The following PPP6R2 variants were observed in gnomAD, a reference collection of about 807,000 sequenced individuals.
The protein encoded by PPP6R2 is serine/threonine-protein phosphatase 6 regulatory subunit 2.
A neutral mutation model predicts 100.2 loss-of-function variants in PPP6R2; 62 were observed. The observed-to-expected ratio is 0.62, with a 90% CI of 0.50 to 0.76. The LOEUF (loss-of-function observed/expected upper bound fraction) is 0.76, where lower values mean the gene tolerates loss of function less well. Ranked by LOEUF, PPP6R2 falls within the 30% of genes least tolerant of loss-of-function variation. PPP6R2 has a pLI of 0.00. For synonymous variants in PPP6R2, 525 were observed against 514.7 expected, an observed-to-expected ratio of 1.02 and a Z score of -0.27; for missense variants, 1,142 against 1,276.3, an observed-to-expected ratio of 0.89 and a Z score of 1.60.
Position 50,422,135 on chromosome 22 carries a change from G to A in PPP6R2, c.846-119G>A, listed in dbSNP as rs1603345866. 8 of 1,336,014 alleles carry A rather than the reference G, an allele frequency of 6.0e-6. No homozygotes were observed. In the East Asian group the frequency reaches 1.9e-4, roughly 31 times the overall value. The allele number at this position is 1,336,014 out of a possible 1,614,324, so 82.8% of individuals were successfully genotyped here. A position where few individuals can be genotyped will look rare whatever the true frequency, so the allele number is the denominator to read the frequency against. On this transcript the variant is annotated intron_variant, in intron 8 of 23. Transcript: ENST00000612753. The stretch of plus-strand genomic sequence containing the variant: ...ACGCTGGGTAGCTGCACTGCTCTAG[G>A]GTTTCTTTTTGGGAAAGTTAAAAGG...
intron 1 of PPP6R2, among the ~76,000 whole-genome samples, chr22:50,368,562 A>G (rs2049261449): frequency 6.6e-6 from 1 of 152,342 alleles, no homozygotes; most frequent in East Asian, 1.9e-4. Flanking sequence ...ATATTCACAT[A>G]TATCTATAAT....
rs746810473 is a variant in PPP6R2 at position 50,443,913 on chromosome 22, C to A, written c.2627C>A (p.Pro876Gln). 1.3e-6 allele frequency: 2 copies of A among 1,598,106 alleles called. No homozygotes were observed. The change falls in exon 23 of 24, where the codon CCA becomes CAA. Residue 876 changes from proline (P) to glutamine (Q), a missense_variant. Around this residue, in one of 2 missense-constraint regions of PPP6R2, gnomAD observed 550 missense variants for 517.4 expected, o/e 1.06. Transcript: ENST00000612753. ...CTGTTAAGCCCTGCCTGCCCCGCGC[C>A]AAAGGAAGTGACTGCTGCCCCAGCC... ...SRLLSPACPA[P>Q]KEVTAAPAVA...
intron 22 of PPP6R2, among the ~76,000 whole-genome samples, chr22:50,441,524 G>C (rs1038851755): frequency 9.9e-5 from 15 of 152,206 alleles, no homozygotes. Context: ...CCTTCCACGG[G>C]AGGCCTATGA....
chr22:50,408,286 A>C (rs1341417556), intron 4 of PPP6R2, among the ~76,000 whole-genome samples: 1 of 152,192 alleles, frequency 6.6e-6, no homozygotes, highest in Admixed American at 6.5e-5. Context: ...ACCATCAAAC[A>C]TTCAGTCAGG....
upstream of PPP6R2, among the ~76,000 whole-genome samples, chr22:50,340,070 T>TGGAGG (rs2042355075): frequency 8.9e-6 from 1 of 112,254 alleles, no homozygotes; most frequent in Admixed American, 9.1e-5. Context: ...TGGTGTGTGA[T>TGGAGG]GTGTGTGTGG....
At chr22:50,373,240 CTT>C (rs530254249) in intron 2 of PPP6R2, among the ~76,000 whole-genome samples, 18 of 126,432 alleles carry the variant, frequency 1.4e-4, no homozygotes, top group Admixed American at 2.5e-4. Flanking sequence ...TAATTTCTTT[CTT>C]TTTTTTTTTT....
intron 1 of PPP6R2, among the ~76,000 whole-genome samples, chr22:50,368,838 T>G (rs2049330604): frequency 7.1e-6 from 1 of 141,094 alleles, no homozygotes; most frequent in African/African-American, 3.0e-5. Context: ...TGGTGCTGTT[T>G]AGGGACACAC....
At chr22:50,415,858 C>T (rs952463210) in intron 5 of PPP6R2, among the ~76,000 whole-genome samples, 8 of 152,342 alleles carry the variant, frequency 5.3e-5, no homozygotes, top group Admixed American at 1.3e-4. Context: ...AGCTTACATA[C>T]GCACCATTAG....
chr22:50,374,955 A>C (rs1323914285), intron 2 of PPP6R2, among the ~76,000 whole-genome samples: 1 of 151,334 alleles, frequency 6.6e-6, no homozygotes, highest in Admixed American at 6.6e-5. Context: ...AAACAAACCC[A>C]CACCCATACA....
At chr22:50,439,058 G>A (rs1275418133) in intron 19 of PPP6R2, among the ~76,000 whole-genome samples, 1 of 152,014 alleles carries the variant, frequency 6.6e-6, no homozygotes, top group Non-Finnish European at 1.5e-5. Flanking sequence ...CACACAGTCA[G>A]GCACAGGCCT....
chr22:50,349,348 C>T (rs1224302273), intron 1 of PPP6R2, among the ~76,000 whole-genome samples: 5 of 123,746 alleles, frequency 4.0e-5, no homozygotes, highest in African/African-American at 1.6e-4. Flanking sequence ...TGGGCGACAG[C>T]GTGAGACCCT....
intron 1 of PPP6R2, among the ~76,000 whole-genome samples, chr22:50,361,236 A>C (rs1419878268): frequency 2.0e-5 from 3 of 151,726 alleles, no homozygotes; most frequent in African/African-American, 7.3e-5. Flanking sequence ...TTCTTCATTG[A>C]CTCAGTCAGA....
chr22:50,403,378 G>A (rs1263633015), intron 3 of PPP6R2, among the ~76,000 whole-genome samples: 1 of 152,058 alleles, frequency 6.6e-6, no homozygotes, highest in Non-Finnish European at 1.5e-5. Context: ...GTAGACCTGG[G>A]GCCTCACTGT....
chr22:50,425,811 A>G (rs909040073), intron 10 of PPP6R2, among the ~76,000 whole-genome samples: 1 of 151,276 alleles, frequency 6.6e-6, no homozygotes, highest in African/African-American at 2.4e-5. Flanking sequence ...CTTTTTGGCC[A>G]TGTGAATAGC....
chr22:50,439,386 G>A lies in PPP6R2; in HGVS notation c.2129-315G>A, dbSNP rs369151149. Reference sequence around the variant, plus strand: ...GTGAGCTGCCGGCTCTGTGGGTTGCGGTCCTGGGTAGGACAGGGCAGTGGC... The same window carrying A: ...GTGAGCTGCCGGCTCTGTGGGTTGCAGTCCTGGGTAGGACAGGGCAGTGGC... On this transcript the variant is annotated intron_variant, in intron 19 of 23. Coordinates refer to ENST00000612753, the MANE Select transcript of PPP6R2 (RefSeq NM_001242898.2). Among the ~76,000 whole-genome samples, 99 of 152,286 alleles carry A rather than the reference G, an allele frequency of 6.5e-4. 2 individuals carry two copies. The South Asian group carries it at 0.013, about 20-fold the overall frequency.
intron 2 of PPP6R2, among the ~76,000 whole-genome samples, chr22:50,374,016 C>T (rs779370990): frequency 5.9e-5 from 9 of 152,084 alleles, no homozygotes; most frequent in Non-Finnish European, 1.3e-4. Context: ...TTATTATAGG[C>T]GTGAGCCACC....
chr22:50,354,755 A>G (rs980617053), intron 1 of PPP6R2, among the ~76,000 whole-genome samples: 2 of 151,990 alleles, frequency 1.3e-5, no homozygotes, highest in African/African-American at 2.4e-5. Context: ...AACCGAGATC[A>G]TGCTACTGCA....
At chr22:50,406,577 GTGTT>G (rs1205005980) in intron 3 of PPP6R2, 108 bp from the exon 4 acceptor site, 16 of 954,380 alleles carry the variant, frequency 1.7e-5, no homozygotes, top group Non-Finnish European at 2.1e-5. Flanking sequence ...GAGGTCTGTA[GTGTT>G]TGTTTGATCA....
chr22:50,405,522 A>G lies in PPP6R2; in HGVS notation c.228-1167A>G, dbSNP rs542523021. 1.1e-4 allele frequency among the ~76,000 whole-genome samples: 14 copies of G among 130,484 alleles called. No homozygotes were observed. In the South Asian group the frequency reaches 3.8e-3, roughly 35 times the overall value. The allele number at this position is 130,484 out of a possible 152,430, so 85.6% of individuals were successfully genotyped here. ...GAGTGTGAAGGCCTGGAGAGAGGTG[A>G]GAGGCCTGGAGAGAGGTAAGAGGCC... On this transcript the variant is annotated intron_variant, in intron 3 of 23. Coordinates refer to ENST00000612753, the MANE Select transcript of PPP6R2 (RefSeq NM_001242898.2).
Sources: allele counts gnomAD v4.1 joint callset (sites outside exome capture counted in the v4.1 genomes callset), GRCh38; gene constraint gnomAD v4.1.1; regional missense constraint gnomAD v4.1.1; transcripts MANE v1.5; gene names NCBI Gene and HGNC (gene_info 2026-07-23, HGNC 2026-07-21).